The following UNC13C variants were observed in gnomAD, a reference collection of about 807,000 sequenced individuals.
UNC13C encodes protein unc-13 homolog C.
UNC13C carries 174 observed loss-of-function variants against 245.4 expected under a neutral mutation model. The ratio of observed to expected loss-of-function variants is 0.71; its 90% CI spans 0.63 to 0.80. The LOEUF (loss-of-function observed/expected upper bound fraction) is 0.80, where lower values mean the gene tolerates loss of function less well. UNC13C is among the 30% of genes least tolerant of loss of function. UNC13C has a pLI of 0.00. For missense variants in UNC13C, 2,829 were observed against 2,602.9 expected (o/e 1.09, Z -1.89); for synonymous variants, 992 against 895.1 (o/e 1.11, Z -1.93).
Position 54,233,606 on chromosome 15 carries a change from A to G in UNC13C, c.3072-1424A>G, listed in dbSNP as rs952408432. 2.0e-5 allele frequency among the ~76,000 whole-genome samples: 3 copies of G among 152,156 alleles called. 1 individual carries two copies. Among genetic ancestry groups the G allele is most frequent in the Admixed American group, 2.0e-4 (3 of 15,270 alleles). On this transcript the variant is annotated intron_variant, in intron 4 of 32. Transcript: ENST00000260323. The stretch of plus-strand genomic sequence containing the variant: ...TTTATGACACATTTAGTTACTTGTT[A>G]GTAGTACCATGTTAGTAGTAGTGGA...
chr15:54,319,670 A>G (rs2038099794), intron 13 of UNC13C, among the ~76,000 whole-genome samples: 1 of 151,958 alleles, frequency 6.6e-6, no homozygotes, highest in African/African-American at 2.4e-5. Flanking sequence ...ATTTTTTGTG[A>G]GTGCCACTCA....
chr15:54,197,621 T>G (rs2034398642), intron 4 of UNC13C, among the ~76,000 whole-genome samples: 1 of 152,132 alleles, frequency 6.6e-6, no homozygotes, highest in African/African-American at 2.4e-5. Context: ...ATTTAAAACT[T>G]TGCCTGAAGT....
intron 2 of UNC13C, among the ~76,000 whole-genome samples, chr15:54,088,682 CA>C (rs1899388906): frequency 6.6e-6 from 1 of 152,114 alleles, no homozygotes; most frequent in African/African-American, 2.4e-5. Context: ...GTTAGGATTG[CA>C]GGTGAAGAAG....
intron 30 of UNC13C, among the ~76,000 whole-genome samples, chr15:54,610,924 T>TAGTA (rs879888368): frequency 2.0e-5 from 3 of 152,222 alleles, no homozygotes; most frequent in Admixed American, 6.5e-5. Flanking sequence ...TGACCAATAG[T>TAGTA]AGTAAGTATT....
chr15:54,419,700 G>C (rs779222592), intron 19 of UNC13C, among the ~76,000 whole-genome samples: 16 of 152,040 alleles, frequency 1.1e-4, no homozygotes, highest in Non-Finnish European at 1.6e-4. Flanking sequence ...TTGAAATAAG[G>C]AACAACAGTG....
At chr15:54,348,932 T>TA (rs2038919561) in intron 17 of UNC13C, among the ~76,000 whole-genome samples, 1 of 151,966 alleles carries the variant, frequency 6.6e-6, no homozygotes. Flanking sequence ...TGTACTTTCT[T>TA]ATGTAATCAT....
At chr15:53,989,952 C>T (rs775656739) in intron 1 of UNC13C, among the ~76,000 whole-genome samples, 4 of 151,866 alleles carry the variant, frequency 2.6e-5, no homozygotes, top group Non-Finnish European at 5.9e-5. Flanking sequence ...GACATGATTC[C>T]ATATTTATGT....
intron 22 of UNC13C, 34 bp downstream of exon 22, chr15:54,501,012 G>C: frequency 6.2e-7 from 1 of 1,604,044 alleles, no homozygotes; most frequent in Non-Finnish European, 8.5e-7. Context: ...CTTTTTCTCT[G>C]GGTCTGTGGC....
the UNC13C span, among the ~76,000 whole-genome samples, chr15:53,891,456 A>G: frequency 2.0e-4 from 31 of 152,264 alleles, no homozygotes; most frequent in South Asian, 5.6e-3. Context: ...TAATATTGAC[A>G]GTGGGATGTT....
chr15:54,006,389 A>G (rs1895137815), intron 1 of UNC13C, among the ~76,000 whole-genome samples: 1 of 152,212 alleles, frequency 6.6e-6, no homozygotes, highest in South Asian at 2.1e-4. Flanking sequence ...TTTAAAAAAT[A>G]GTATATTAGC....
intron 4 of UNC13C, among the ~76,000 whole-genome samples, chr15:54,186,615 A>T (rs959051700): frequency 2.0e-5 from 3 of 151,986 alleles, no homozygotes; most frequent in South Asian, 2.1e-4. Flanking sequence ...TTATAACAGA[A>T]AAAAATCCAC....
intron 4 of UNC13C, among the ~76,000 whole-genome samples, chr15:54,200,236 G>A (rs1399830553): frequency 2.6e-5 from 4 of 151,996 alleles, no homozygotes; most frequent in Non-Finnish European, 1.5e-5. Context: ...ATTAGTAGGG[G>A]TCTTTAATAC....
At chr15:54,045,243 CAG>C (rs761984166) in intron 2 of UNC13C, among the ~76,000 whole-genome samples, 20 of 152,104 alleles carry the variant, frequency 1.3e-4, no homozygotes, top group African/African-American at 4.3e-4. Context: ...TGGTATAAAA[CAG>C]GGGTTTAGTT....
intron 11 of UNC13C, among the ~76,000 whole-genome samples, chr15:54,294,380 G>A (rs532416146): frequency 2.6e-5 from 4 of 152,098 alleles, no homozygotes; most frequent in Admixed American, 6.6e-5. Context: ...AAATACATGC[G>A]AAACAAATAA....
At chr15:53,919,596 A>G in the UNC13C span, among the ~76,000 whole-genome samples, 5 of 152,204 alleles carry the variant, frequency 3.3e-5, no homozygotes, top group African/African-American at 1.2e-4. Context: ...AGCACGCTGT[A>G]ATATTCCAAG....
chr15:53,893,224 A>G, the UNC13C span, among the ~76,000 whole-genome samples: 13 of 152,104 alleles, frequency 8.5e-5, no homozygotes, highest in African/African-American at 2.9e-4. Flanking sequence ...TTTTCTCTGG[A>G]AGCTTTGTCC....
At chr15:53,928,183 G>T in the UNC13C span, among the ~76,000 whole-genome samples, 1 of 152,260 alleles carries the variant, frequency 6.6e-6, no homozygotes, top group East Asian at 1.9e-4. Flanking sequence ...AGAGCTGAGA[G>T]CCCCGAACAG....
At chr15:53,982,221 C>G (rs1432448958) in intron 1 of UNC13C, among the ~76,000 whole-genome samples, 2 of 152,106 alleles carry the variant, frequency 1.3e-5, no homozygotes, top group South Asian at 2.1e-4. Context: ...ATCCTGCGTT[C>G]AGGATAAAAC....
chr15:54,451,959 G>A (rs545006521), intron 19 of UNC13C, among the ~76,000 whole-genome samples: 1 of 152,302 alleles, frequency 6.6e-6, no homozygotes, highest in African/African-American at 2.4e-5. Flanking sequence ...TTTTGGTTAG[G>A]TAGGGAACAT....
Sources: allele counts gnomAD v4.1 joint callset (sites outside exome capture counted in the v4.1 genomes callset), GRCh38; gene constraint gnomAD v4.1.1; transcripts MANE v1.5; gene names NCBI Gene and HGNC (gene_info 2026-07-23, HGNC 2026-07-21).